The following MTUS2 variants were observed in gnomAD, a reference collection of about 807,000 sequenced individuals.
The protein encoded by MTUS2 is microtubule-associated tumor suppressor candidate 2.
Under a neutral mutation model 114.1 loss-of-function variants are expected in MTUS2, and 40 were observed. That is an observed-to-expected ratio of 0.35 (90% CI 0.27 to 0.46). The LOEUF (loss-of-function observed/expected upper bound fraction) is 0.46. MTUS2 is among the 20% of genes least tolerant of loss of function. The pLI is 1.00. For synonymous variants in MTUS2, 688 were observed against 672.0 expected (o/e 1.02, Z -0.37); for missense variants, 1,679 against 1,705.4 (o/e 0.98, Z 0.27).
intron 2 of MTUS2, among the ~76,000 whole-genome samples, chr13:28,935,972 C>A (rs1881881725): frequency 6.6e-6 from 1 of 152,084 alleles, no homozygotes; most frequent in Admixed American, 6.6e-5. Flanking sequence ...GTCTTGAACT[C>A]CTGGCCTTAA....
chr13:28,906,562 G>T (rs1391584704), intron 2 of MTUS2, among the ~76,000 whole-genome samples: 1 of 151,630 alleles, frequency 6.6e-6, no homozygotes. Context: ...TAGTTGAGCA[G>T]TTTTGAGTGG....
intron 8 of MTUS2, 113 bp from the exon 9 acceptor site, chr13:29,439,870 T>C (rs534685849): frequency 2.3e-6 from 2 of 862,386 alleles, no homozygotes; most frequent in East Asian, 5.4e-5. Flanking sequence ...AATTATCTCC[T>C]TAAGGACTAG....
intron 2 of MTUS2, among the ~76,000 whole-genome samples, chr13:29,010,226 A>G (rs1432818545): frequency 2.0e-5 from 3 of 150,900 alleles, no homozygotes; most frequent in Non-Finnish European, 3.0e-5. Context: ...AAAAAAAAAA[A>G]GCTATAAAAT....
At chr13:29,422,744 A>G (rs1170871015) in intron 8 of MTUS2, among the ~76,000 whole-genome samples, 2 of 139,714 alleles carry the variant, frequency 1.4e-5, no homozygotes, top group Admixed American at 1.6e-4. Context: ...GCTTACTGCA[A>G]CCTCTGCCTC....
At chr13:28,948,617 A>G (rs1366054927) in intron 2 of MTUS2, among the ~76,000 whole-genome samples, 2 of 152,206 alleles carry the variant, frequency 1.3e-5, no homozygotes, top group Admixed American at 6.5e-5. Context: ...CCTCTCATAA[A>G]ATAGATGCTT....
intron 2 of MTUS2, among the ~76,000 whole-genome samples, chr13:29,005,927 A>G (rs978632808): frequency 1.3e-5 from 2 of 152,244 alleles, no homozygotes; most frequent in Non-Finnish European, 2.9e-5. Context: ...AACTATTTCC[A>G]TGTTCTGGCA....
intron 9 of MTUS2, among the ~76,000 whole-genome samples, chr13:29,479,635 G>C (rs912270531): frequency 2.0e-5 from 3 of 152,170 alleles, no homozygotes; most frequent in African/African-American, 7.2e-5. Context: ...AATAGCCTTA[G>C]GCGCCAGGCC....
intron 2 of MTUS2, among the ~76,000 whole-genome samples, chr13:28,890,571 C>A (rs1878860698): frequency 6.6e-6 from 1 of 152,090 alleles, no homozygotes; most frequent in Non-Finnish European, 1.5e-5. Flanking sequence ...TAGTGCCTAG[C>A]ACATAGTAAG....
intron 2 of MTUS2, among the ~76,000 whole-genome samples, chr13:29,015,196 G>T (rs769088812): frequency 6.6e-6 from 1 of 152,166 alleles, no homozygotes; most frequent in Non-Finnish European, 1.5e-5. Context: ...GCCAAAACTC[G>T]CAAAACTGTA....
At chr13:28,851,342 G>GATGGAATTC (rs1242452034) in intron 2 of MTUS2, among the ~76,000 whole-genome samples, 8 of 152,342 alleles carry the variant, frequency 5.3e-5, no homozygotes, top group Admixed American at 1.3e-4. Context: ...CATTGACCGT[G>GATGGAATTC]ATGGAATTCA....
rs568020178 is a variant in MTUS2, at chr13:29,139,619, G to A, written c.2644+38649G>A. Reference sequence around the variant, plus strand: ...GAATTTTGTACCCTTTTACTATCTCGTTATCTTCACTCTACGGTTTGGTCT... The same window carrying A: ...GAATTTTGTACCCTTTTACTATCTCATTATCTTCACTCTACGGTTTGGTCT... On this transcript the variant is annotated intron_variant, in intron 5 of 15. Transcript: ENST00000612955. 1.7e-4 allele frequency among the ~76,000 whole-genome samples: 26 copies of A among 152,098 alleles called. No individual in the cohort carries two copies. In the East Asian group the frequency reaches 3.1e-3, roughly 18 times the overall value.
intron 1 of MTUS2, among the ~76,000 whole-genome samples, chr13:28,835,556 T>C (rs2137966767): frequency 6.6e-6 from 1 of 152,208 alleles, no homozygotes; most frequent in African/African-American, 2.4e-5. Flanking sequence ...GTGATGAAAA[T>C]GTTCTGGAAT....
At chr13:29,084,534 C>T (rs925268419) in intron 4 of MTUS2, among the ~76,000 whole-genome samples, 3 of 148,992 alleles carry the variant, frequency 2.0e-5, no homozygotes, top group Admixed American at 6.7e-5. Flanking sequence ...CCTCTCCCCC[C>T]CTTCTTTTCT....
intron 1 of MTUS2, among the ~76,000 whole-genome samples, chr13:28,827,308 T>A (rs553097527): frequency 1.1e-3 from 173 of 152,336 alleles, no homozygotes; most frequent in Middle Eastern, 6.8e-3. Flanking sequence ...TCTTTTTTTT[T>A]AAATCCACAT....
intron 2 of MTUS2, among the ~76,000 whole-genome samples, chr13:28,899,446 G>A (rs1406858362): frequency 6.6e-6 from 1 of 152,240 alleles, no homozygotes; most frequent in South Asian, 2.1e-4. Context: ...GTCTCACTCT[G>A]TCGCCCAGGC....
At chr13:28,862,977 T>A (rs922891477) in intron 2 of MTUS2, among the ~76,000 whole-genome samples, 34 of 152,216 alleles carry the variant, frequency 2.2e-4, no homozygotes, top group Non-Finnish European at 2.9e-4. Flanking sequence ...TTTCAGACAT[T>A]ATATACTTAA....
intron 5 of MTUS2, among the ~76,000 whole-genome samples, chr13:29,222,153 G>A (rs1895934455): frequency 6.6e-6 from 1 of 152,140 alleles, no homozygotes; most frequent in South Asian, 2.1e-4. Context: ...GGCAGTTCAG[G>A]AACTATTTAT....
chr13:29,196,460 G>A (rs1287106689), intron 5 of MTUS2, among the ~76,000 whole-genome samples: 1 of 151,772 alleles, frequency 6.6e-6, no homozygotes, highest in Non-Finnish European at 1.5e-5. Flanking sequence ...GTGGGAAAAT[G>A]CACATAACAT....
intron 5 of MTUS2, among the ~76,000 whole-genome samples, chr13:29,149,714 G>A (rs2139034913): frequency 6.6e-6 from 1 of 152,132 alleles, no homozygotes; most frequent in East Asian, 1.9e-4. Context: ...TAAAGAAGGG[G>A]CCTGGTTTCA....
Sources: allele counts gnomAD v4.1 joint callset (sites outside exome capture counted in the v4.1 genomes callset), GRCh38; gene constraint gnomAD v4.1.1; transcripts MANE v1.5; gene names NCBI Gene and HGNC (gene_info 2026-07-23, HGNC 2026-07-21).